The following CUL4A variants were observed in gnomAD, a reference collection of about 807,000 sequenced individuals.
CUL4A encodes cullin 4A.
In CUL4A, 16 loss-of-function variants were observed where a neutral mutation model predicts 95.5. The observed-to-expected ratio is 0.17, with a 90% CI of 0.11 to 0.25. The LOEUF (loss-of-function observed/expected upper bound fraction) is 0.25, where lower values mean the gene tolerates loss of function less well. CUL4A is among the 10% of genes least tolerant of loss of function. The pLI, the probability that CUL4A is intolerant of heterozygous loss-of-function variation, is 1.00. For missense variants in CUL4A, 610 were observed against 937.0 expected (o/e 0.65, Z 4.56); for synonymous variants, 380 against 353.1 (o/e 1.08, Z -0.85).
intron 6 of CUL4A, 150 bp downstream of exon 6, chr13:113,233,489 G>T (rs915948285): frequency 1.4e-6 from 1 of 731,696 alleles, no homozygotes; most frequent in Non-Finnish European, 2.2e-6. Context: ...GGGGAATAGC[G>T]CTCAAGCTAA....
chr13:113,214,171 C>T (rs2040557758), intron 2 of CUL4A, among the ~76,000 whole-genome samples: 1 of 152,208 alleles, frequency 6.6e-6, no homozygotes, highest in South Asian at 2.1e-4. Flanking sequence ...TACGTCTAAA[C>T]ACCTTAGGAG....
intron 19 of CUL4A, among the ~76,000 whole-genome samples, chr13:113,261,441 G>T (rs1196441424): frequency 6.6e-6 from 1 of 152,174 alleles, no homozygotes; most frequent in Non-Finnish European, 1.5e-5. Flanking sequence ...AAGTTGAGAT[G>T]CACTAAATAG....
upstream of CUL4A, chr13:113,208,198 T>C (rs2040074050): frequency 1.9e-6 from 3 of 1,553,550 alleles, no homozygotes; most frequent in African/African-American, 4.1e-5. Context: ...CCCGAATTCA[T>C]CCCGCATCCT....
intron 10 of CUL4A, 112 bp downstream of exon 10, chr13:113,239,663 C>T (rs1460483697): frequency 2.3e-5 from 16 of 708,320 alleles, no homozygotes; most frequent in Non-Finnish European, 3.5e-5. Flanking sequence ...CTGGAGGGCC[C>T]GTCTGCATTT....
chr13:113,246,178 C>T (rs2041851981), intron 15 of CUL4A, 115 bp downstream of exon 15: 1 of 745,436 alleles, frequency 1.3e-6, no homozygotes, highest in Admixed American at 2.7e-5. Flanking sequence ...CCACTCAGTC[C>T]AAAATCAAAG....
chr13:113,220,481 G>C (rs1397582838), intron 3 of CUL4A, among the ~76,000 whole-genome samples: 2 of 152,256 alleles, frequency 1.3e-5, no homozygotes, highest in African/African-American at 4.8e-5. Flanking sequence ...CCCCGCCCCA[G>C]TGCCACGGCT....
intron 6 of CUL4A, among the ~76,000 whole-genome samples, chr13:113,233,607 AACAGAG>A (rs1340958092): frequency 5.7e-4 from 87 of 152,358 alleles, no homozygotes; most frequent in African/African-American, 1.5e-3. Context: ...GGAAAATATA[AACAGAG>A]ACAAAGCCAG....
chr13:113,263,461 AG>A, intron 19 of CUL4A, 25 bp from the exon 20 acceptor site: 3 of 1,447,562 alleles, frequency 2.1e-6, no homozygotes, highest in Admixed American at 1.8e-5. Context: ...CATTGTAATT[AG>A]GGGGGTTTTA....
chr13:113,236,607 C>T (rs922191489), intron 8 of CUL4A, among the ~76,000 whole-genome samples: 2 of 152,174 alleles, frequency 1.3e-5, no homozygotes, highest in Non-Finnish European at 2.9e-5. Context: ...CGTGGGCCTG[C>T]TTGTGCTGTT....
rs2041363359 is a variant in CUL4A at position 113,232,197 on chromosome 13, TACCC to T, written c.513-979_513-976del. On this transcript the variant is annotated intron_variant, in intron 5 of 19. Coordinates refer to ENST00000375440, the MANE Select transcript of CUL4A (RefSeq NM_001008895.4). ...CCACCACCATTACTGCTGCCACCAC[TACCC>T]GCCCACCACCATTACTGCTGCCACC... Among the ~76,000 whole-genome samples the T allele has an allele frequency of 8.4e-3, 12 of 1,426 alleles. 4 individuals carry two copies. The highest frequency in any genetic ancestry group is 9.3e-3 in the African/African-American group (8 of 860). 0.9% of individuals were successfully genotyped at this position (1,426 alleles called of 152,430 possible).
chr13:113,230,028 C>T, intron 5 of CUL4A: 1 of 229,162 alleles, frequency 4.4e-6, no homozygotes, highest in Non-Finnish European at 8.4e-6. Context: ...CCACGGACCC[C>T]ACATGTCCTC....
chr13:113,253,641 C>G (rs1341746842), intron 16 of CUL4A, among the ~76,000 whole-genome samples: 2 of 152,146 alleles, frequency 1.3e-5, no homozygotes, highest in Admixed American at 1.3e-4. Flanking sequence ...TTTGGAAGGG[C>G]AGTTTGGCAT....
intron 8 of CUL4A, among the ~76,000 whole-genome samples, chr13:113,236,251 G>C (rs528379483): frequency 1.3e-5 from 2 of 152,302 alleles, no homozygotes; most frequent in African/African-American, 4.8e-5. Flanking sequence ...GGATCTCGAG[G>C]CAGGCCAGGG....
chr13:113,236,679 T>C, intron 8 of CUL4A, 144 bp from the exon 9 acceptor site: 3 of 515,864 alleles, frequency 5.8e-6, no homozygotes, highest in Non-Finnish European at 1.0e-5. Context: ...TCGTCGTCCG[T>C]TTGCATGAGG....
intron 3 of CUL4A, 108 bp downstream of exon 3, chr13:113,219,156 C>T (rs2040805941): frequency 1.7e-6 from 1 of 573,904 alleles, no homozygotes; most frequent in Non-Finnish European, 2.9e-6. Flanking sequence ...AAAACAACAG[C>T]TTTTAAAGTT....
intron 3 of CUL4A, among the ~76,000 whole-genome samples, chr13:113,227,144 A>G (rs1185030610): frequency 6.6e-6 from 1 of 152,170 alleles, no homozygotes; most frequent in African/African-American, 2.4e-5. Flanking sequence ...CTGAGTGCAC[A>G]TTGGTGATGA....
chr13:113,255,435 G>T (rs1393756291), intron 18 of CUL4A, among the ~76,000 whole-genome samples: 3 of 152,154 alleles, frequency 2.0e-5, no homozygotes, highest in African/African-American at 7.2e-5. Flanking sequence ...AATAGAATCT[G>T]ATATGGTTCA....
intron 18 of CUL4A, among the ~76,000 whole-genome samples, chr13:113,258,313 G>A (rs2139299212): frequency 6.6e-6 from 1 of 152,176 alleles, no homozygotes; most frequent in Admixed American, 6.5e-5. Flanking sequence ...AATTAATGTA[G>A]CTATTCCTAT....
chr13:113,263,591 C>G lies in CUL4A; in HGVS notation c.*9C>G. 1 of 1,547,124 alleles carries G rather than the reference C, an allele frequency of 6.5e-7. No homozygotes were observed. The highest frequency in any genetic ancestry group is 1.2e-5 in the South Asian group (1 of 85,124). On this transcript the variant is annotated 3_prime_UTR_variant, in exon 20 of 20. Transcript: ENST00000375440. ...ACCACTACGTGGCCTGACGCATCTG[C>G]AGACGGTTCCCCTTCATGAAACACT...
Sources: gnomAD v4.1 joint callset for allele counts (sites outside exome capture counted in the v4.1 genomes callset) on GRCh38, gnomAD v4.1.1 for gene constraint, MANE v1.5 for transcripts, NCBI Gene and HGNC (gene_info 2026-07-23, HGNC 2026-07-21) for gene names.